WDR27: variants seen among roughly 807,000 people sequenced by gnomAD.
WDR27 encodes WD repeat-containing protein 27.
In WDR27, 100 loss-of-function variants were observed where a neutral mutation model predicts 114.4. The observed-to-expected ratio is 0.87, with a 90% CI of 0.74 to 1.03. The LOEUF (loss-of-function observed/expected upper bound fraction) is 1.03, where lower values mean the gene tolerates loss of function less well. Ranked by LOEUF, WDR27 falls within the 50% of genes least tolerant of loss-of-function variation. The pLI is 0.00. For missense variants in WDR27, 1,129 were observed against 1,092.9 expected, an observed-to-expected ratio of 1.03 and a Z score of -0.47; for synonymous variants, 449 against 423.1, an observed-to-expected ratio of 1.06 and a Z score of -0.75.
downstream of WDR27, among the ~76,000 whole-genome samples, chr6:169,453,837 C>T (rs557204516): frequency 1.3e-5 from 2 of 152,240 alleles, no homozygotes; most frequent in Admixed American, 1.3e-4. Flanking sequence ...TAATTTCACA[C>T]CCCAAGGGAC....
chr6:169,573,251 A>C (rs1383133712), intron 24 of WDR27, among the ~76,000 whole-genome samples: 1 of 152,216 alleles, frequency 6.6e-6, no homozygotes, highest in African/African-American at 2.4e-5. Flanking sequence ...GTATAGCTGG[A>C]AAGACCAAAG....
chr6:169,519,217 C>T (rs1190394147), intron 25 of WDR27, among the ~76,000 whole-genome samples: 1 of 152,226 alleles, frequency 6.6e-6, no homozygotes, highest in African/African-American at 2.4e-5. Flanking sequence ...CTCTTCCAAG[C>T]TCTGCCTGTT....
chr6:169,528,185 T>C (rs1010225383), intron 25 of WDR27, among the ~76,000 whole-genome samples: 1 of 152,166 alleles, frequency 6.6e-6, no homozygotes, highest in African/African-American at 2.4e-5. Flanking sequence ...CTACATCTAA[T>C]AATAAAAATA....
At chr6:169,696,138 C>T (rs1234775952) in intron 1 of WDR27, among the ~76,000 whole-genome samples, 1 of 152,198 alleles carries the variant, frequency 6.6e-6, no homozygotes, top group African/African-American at 2.4e-5. Flanking sequence ...CAAACGAATA[C>T]AAGTGCCTAC....
chr6:169,508,930 C>A (rs1172338378), intron 25 of WDR27, among the ~76,000 whole-genome samples: 2 of 152,218 alleles, frequency 1.3e-5, no homozygotes, highest in African/African-American at 2.4e-5. Context: ...GCCCTCCACA[C>A]AGCAGCCACA....
At chr6:169,480,159 C>A (rs1342344005) in intron 25 of WDR27, among the ~76,000 whole-genome samples, 2 of 152,230 alleles carry the variant, frequency 1.3e-5, no homozygotes, top group African/African-American at 2.4e-5. Flanking sequence ...CGGCCCCAGG[C>A]AGTGAGGGGC....
chr6:169,652,398 G>A (rs945204507), intron 13 of WDR27, among the ~76,000 whole-genome samples: 5 of 152,274 alleles, frequency 3.3e-5, no homozygotes, highest in African/African-American at 7.2e-5. Flanking sequence ...ACAGGCACAC[G>A]CCACCACGCC....
At chr6:169,476,200 C>T (rs1187759255) in intron 25 of WDR27, among the ~76,000 whole-genome samples, 1 of 152,154 alleles carries the variant, frequency 6.6e-6, no homozygotes, top group Non-Finnish European at 1.5e-5. Context: ...GGGTGGAAGG[C>T]TACCCTGATG....
intron 25 of WDR27, among the ~76,000 whole-genome samples, chr6:169,469,863 A>G (rs1442504940): frequency 6.6e-6 from 1 of 152,204 alleles, no homozygotes; most frequent in Non-Finnish European, 1.5e-5. Context: ...TCCATGAGTT[A>G]CACCCATAAT....
At position 169,659,649 on chromosome 6, in the gene WDR27, T is replaced by A; in HGVS notation, c.1130-131A>T. The A allele has an allele frequency of 4.9e-6, 4 of 810,822 alleles. No homozygotes were observed. The Admixed American group carries it at 8.4e-5, about 17-fold the overall frequency. The allele number at this position is 810,822 out of a possible 1,614,324, so 50.2% of individuals were successfully genotyped here. A position where few individuals can be genotyped will look rare whatever the true frequency, so the allele number is the denominator to read the frequency against. ...CACAGTCCAGGCCCCACCACACACT[T>A]TGCAGGCTGTGCACCACATCCTCAC... On this transcript the variant is annotated intron_variant, in intron 10 of 25. Coordinates refer to ENST00000448612, the MANE Select transcript of WDR27 (RefSeq NM_182552.5). The surrounding 1 kb of genome is among the most constrained non-coding windows in gnomAD (Gnocchi z 4.3).
At chr6:169,504,264 T>C (rs933665672) in intron 25 of WDR27, among the ~76,000 whole-genome samples, 34 of 152,246 alleles carry the variant, frequency 2.2e-4, no homozygotes, top group African/African-American at 6.5e-4. Flanking sequence ...ATGTATCATG[T>C]TACTCACTGA....
chr6:169,689,126 C>A, intron 1 of WDR27, 114 bp from the exon 2 acceptor site: 1 of 610,626 alleles, frequency 1.6e-6, no homozygotes, highest in Non-Finnish European at 2.6e-6. Context: ...CCACATCATA[C>A]CTATTTATTC....
chr6:169,655,624 A>G (rs989222390), intron 13 of WDR27, among the ~76,000 whole-genome samples: 3 of 152,238 alleles, frequency 2.0e-5, no homozygotes, highest in African/African-American at 7.2e-5. Flanking sequence ...CATTGTGATG[A>G]AAGACTTCTC....
downstream of WDR27, among the ~76,000 whole-genome samples, chr6:169,454,924 T>C (rs939395611): frequency 4.6e-5 from 7 of 152,208 alleles, no homozygotes; most frequent in Non-Finnish European, 8.8e-5. Context: ...CCAGCCTGTG[T>C]CCACTCGGTT....
chr6:169,571,458 G>C (rs1219023368), intron 25 of WDR27, among the ~76,000 whole-genome samples: 1 of 152,148 alleles, frequency 6.6e-6, no homozygotes, highest in African/African-American at 2.4e-5. Flanking sequence ...ACTCAAACCA[G>C]CAATTAGCAG....
chr6:169,561,159 G>A (rs1162184038), intron 25 of WDR27, among the ~76,000 whole-genome samples: 1 of 152,028 alleles, frequency 6.6e-6, no homozygotes, highest in Non-Finnish European at 1.5e-5. Flanking sequence ...GAAGGTGCTG[G>A]CAGTGCCTGG....
chr6:169,621,029 C>T (rs1472048282), intron 21 of WDR27, among the ~76,000 whole-genome samples: 1 of 152,210 alleles, frequency 6.6e-6, no homozygotes, highest in Non-Finnish European at 1.5e-5. Context: ...AGCACAAGGA[C>T]TTTGCCCTCA....
At chr6:169,567,848 G>A (rs972055650) in intron 25 of WDR27, among the ~76,000 whole-genome samples, 6 of 152,144 alleles carry the variant, frequency 3.9e-5, no homozygotes, top group African/African-American at 1.2e-4. Flanking sequence ...GAATAAAGTC[G>A]GAATCCCACA....
intron 5 of WDR27, chr6:169,667,424 T>C (rs764754947): frequency 3.6e-5 from 44 of 1,228,072 alleles, no homozygotes; most frequent in Admixed American, 4.4e-5. Flanking sequence ...ATTTGAAGAA[T>C]TGGAAACAAA....
Sources: allele counts gnomAD v4.1 joint callset (sites outside exome capture counted in the v4.1 genomes callset), GRCh38; gene constraint gnomAD v4.1.1; non-coding constraint Gnocchi (gnomAD v3.1); transcripts MANE v1.5; gene names NCBI Gene and HGNC (gene_info 2026-07-23, HGNC 2026-07-21).